The following IFI16 variants were observed in gnomAD, a reference collection of about 807,000 sequenced individuals.
The protein encoded by IFI16 is gamma-interferon-inducible protein 16.
Under a neutral mutation model 68.4 loss-of-function variants are expected in IFI16, and 49 were observed. The observed-to-expected ratio is 0.72, with a 90% confidence interval of 0.57 to 0.91. The LOEUF (loss-of-function observed/expected upper bound fraction) is 0.91. IFI16 is among the 40% of genes least tolerant of loss of function. The probability of loss-of-function intolerance (pLI) is 0.00; values close to 1 mark genes in which losing one functional copy is unlikely to be tolerated. For synonymous variants in IFI16, 307 were observed against 315.0 expected (o/e 0.97, Z 0.27); for missense variants, 878 against 942.9 (o/e 0.93, Z 0.90).
chr1:159,002,904 G>A (rs1364672403), upstream of IFI16, among the ~76,000 whole-genome samples: 1 of 152,174 alleles, frequency 6.6e-6, no homozygotes, highest in Non-Finnish European at 1.5e-5. Flanking sequence ...AGAATGCACA[G>A]AGCAAATGTC....
At chr1:159,046,546 GTAT>G (rs1193530361) in intron 8 of IFI16, among the ~76,000 whole-genome samples, 3 of 151,192 alleles carry the variant, frequency 2.0e-5, no homozygotes, top group African/African-American at 7.3e-5. Context: ...AATTCCACCA[GTAT>G]TATTATTACC....
intron 4 of IFI16, among the ~76,000 whole-genome samples, chr1:159,017,475 A>AT (rs200616986): frequency 0.016 from 2,307 of 148,292 alleles, 28 homozygotes; most frequent in Non-Finnish European, 0.022. Flanking sequence ...TTTTATTTTT[A>AT]TTTTTTTTTA....
upstream of IFI16, among the ~76,000 whole-genome samples, chr1:159,005,615 T>C (rs988674038): frequency 6.6e-6 from 1 of 152,138 alleles, no homozygotes; most frequent in Non-Finnish European, 1.5e-5. Context: ...AAAACTGCAA[T>C]ACAGAAACTA....
upstream of IFI16, among the ~76,000 whole-genome samples, chr1:159,001,366 G>A (rs1323682054): frequency 6.6e-6 from 1 of 152,162 alleles, no homozygotes; most frequent in African/African-American, 2.4e-5. Flanking sequence ...TTTTAGGGGA[G>A]GCTCCCATTG....
upstream of IFI16, among the ~76,000 whole-genome samples, chr1:159,001,803 C>T (rs1652069370): frequency 6.6e-6 from 1 of 152,118 alleles, no homozygotes; most frequent in Non-Finnish European, 1.5e-5. Context: ...CATTTTACTC[C>T]ATGATATCTG....
rs146506411 is a variant in IFI16, at chr1:159,046,470, T to G, written c.1497+1006T>G. Among the ~76,000 whole-genome samples, 83 of 151,512 alleles carry G rather than the reference T, an allele frequency of 5.5e-4. 4 individuals are homozygous for G. Among genetic ancestry groups the G allele is most frequent in the Admixed American group, 5.3e-4 (8 of 15,150 alleles). Reference sequence around the variant, plus strand: ...TTGATATCTTCTACCATGTCTCCCTTTAAATAAACAACATACAATGATTTG... The same window carrying G: ...TTGATATCTTCTACCATGTCTCCCTGTAAATAAACAACATACAATGATTTG... On this transcript the variant is annotated intron_variant, in intron 8 of 11. Coordinates refer to ENST00000295809, the MANE Select transcript of IFI16 (RefSeq NM_001376587.1).
At chr1:159,036,106 A>T (rs1421106015) in intron 7 of IFI16, among the ~76,000 whole-genome samples, 4 of 152,136 alleles carry the variant, frequency 2.6e-5, no homozygotes, top group Admixed American at 6.5e-5. Context: ...ACACATACAA[A>T]TCCCTGCAGA....
intron 6 of IFI16, among the ~76,000 whole-genome samples, chr1:159,029,590 C>G (rs1176721362): frequency 6.6e-6 from 1 of 151,892 alleles, no homozygotes; most frequent in Admixed American, 6.6e-5. Context: ...TTTTTCAAAC[C>G]TTTAGATTTG....
chr1:159,041,445 G>A (rs1654634402), intron 7 of IFI16, among the ~76,000 whole-genome samples: 2 of 152,110 alleles, frequency 1.3e-5, no homozygotes, highest in African/African-American at 4.8e-5. Context: ...TCAGTTTGCT[G>A]AACAAAAAGA....
chr1:159,049,918 C>A (rs1016145060), intron 9 of IFI16, among the ~76,000 whole-genome samples: 5 of 151,074 alleles, frequency 3.3e-5, no homozygotes, highest in Admixed American at 1.3e-4. Flanking sequence ...AACAGAGCCA[C>A]CCATAACACT....
At chr1:159,042,815 A>C (rs1269857566) in intron 7 of IFI16, among the ~76,000 whole-genome samples, 1 of 3,192 alleles carries the variant, frequency 3.1e-4, no homozygotes, top group Non-Finnish European at 0.019. Context: ...GTGTGTTGTC[A>C]ACACTTACCC....
intron 9 of IFI16, among the ~76,000 whole-genome samples, chr1:159,050,963 A>G (rs1447948449): frequency 6.6e-6 from 1 of 152,190 alleles, no homozygotes; most frequent in African/African-American, 2.4e-5. Flanking sequence ...TATCTACTAG[A>G]ATGAGTTCCA....
intron 6 of IFI16, among the ~76,000 whole-genome samples, chr1:159,027,221 G>A (rs11588934): frequency 0.041 from 6,189 of 152,038 alleles, 189 homozygotes; most frequent in Non-Finnish European, 0.064. Context: ...TATTGCTGAG[G>A]GTTTTAATCA....
At position 159,017,546 on chromosome 1, in the gene IFI16, A is replaced by T. The variant is rs538324416; in HGVS notation, c.550-683A>T. 2.6e-5 allele frequency among the ~76,000 whole-genome samples: 4 copies of T among 151,894 alleles called. No homozygotes were observed. In the East Asian group the frequency reaches 7.7e-4, roughly 29 times the overall value. ...GTCTATTTTTAGGCTCTGGCACTTT[A>T]AGCTGGTAAGAGAAATAGTATAAGA... On this transcript the variant is annotated intron_variant, in intron 4 of 11. Coordinates refer to ENST00000295809, the MANE Select transcript of IFI16 (RefSeq NM_001376587.1).
chr1:159,036,267 A>G (rs891879998), intron 7 of IFI16, among the ~76,000 whole-genome samples: 1 of 152,242 alleles, frequency 6.6e-6, no homozygotes, highest in African/African-American at 2.4e-5. Context: ...ATTTTACATA[A>G]GAGACAACCA....
At chr1:159,045,601 A>C in intron 8 of IFI16, 137 bp downstream of exon 8, 1 of 822,228 alleles carries the variant, frequency 1.2e-6, no homozygotes, top group Non-Finnish European at 1.9e-6. Context: ...TTATTTATCA[A>C]GTGTGTATTT....
rs1652651026 is a variant in IFI16, at chr1:159,012,772, TG to T, written c.-20-1885del. Among the ~76,000 whole-genome samples, 8 of 152,156 alleles carry T rather than the reference TG, an allele frequency of 5.3e-5. No homozygotes were observed. The South Asian group carries it at 1.7e-3, about 32-fold the overall frequency. On this transcript the variant is annotated intron_variant, in intron 1 of 11. Transcript: ENST00000295809. ...TACCAATTAGGCGGGAAGGCATGTC[TG>T]GGGCGGCAAAGGAAGGAAGGGTTGT...
intron 5 of IFI16, among the ~76,000 whole-genome samples, chr1:159,019,264 A>AAC (rs1557866020): frequency 1.3e-4 from 19 of 146,954 alleles, no homozygotes; most frequent in African/African-American, 3.8e-4. Flanking sequence ...TAAATAACAA[A>AAC]AAAAAAAAAT....
chr1:159,050,370 TA>T (rs1213917033), intron 9 of IFI16, among the ~76,000 whole-genome samples: 1 of 152,210 alleles, frequency 6.6e-6, no homozygotes, highest in African/African-American at 2.4e-5. Context: ...AGAGTAGCTT[TA>T]TAATTATTTC....
Sources: gnomAD v4.1 joint callset for allele counts (sites outside exome capture counted in the v4.1 genomes callset) on GRCh38, gnomAD v4.1.1 for gene constraint, MANE v1.5 for transcripts, NCBI Gene and HGNC (gene_info 2026-07-23, HGNC 2026-07-21) for gene names.